Variants in ERC1 observed in about 807,000 individuals in gnomAD.
The protein encoded by ERC1 is RAB6 interacting protein 2.
In ERC1, 56 loss-of-function variants were observed where a neutral mutation model predicts 132.0. The observed-to-expected ratio is 0.42, with a 90% CI of 0.34 to 0.53. The LOEUF (loss-of-function observed/expected upper bound fraction) is 0.53, where lower values mean the gene tolerates loss of function less well. Among genes scored for constraint, ERC1 ranks in the 20% least tolerant of loss-of-function variants. The pLI, the probability that ERC1 is intolerant of heterozygous loss-of-function variation, is 0.03. For missense variants in ERC1, 1,202 were observed against 1,349.9 expected (o/e 0.89, Z 1.72); for synonymous variants, 478 against 476.1 (o/e 1.00, Z -0.05).
chr12:1,103,859 T>C (rs1178512259), intron 3 of ERC1, among the ~76,000 whole-genome samples: 2 of 152,088 alleles, frequency 1.3e-5, no homozygotes, highest in African/African-American at 4.8e-5. Flanking sequence ...TTTGAGCATG[T>C]AGAGTTTGAA....
chr12:1,179,665 G>A (rs1409413685), intron 8 of ERC1, among the ~76,000 whole-genome samples: 9 of 151,670 alleles, frequency 5.9e-5, no homozygotes, highest in Non-Finnish European at 7.4e-5. Flanking sequence ...CCGCCACTAC[G>A]CCCGGCTAAT....
chr12:1,146,949 A>G (rs2154252168), intron 8 of ERC1, among the ~76,000 whole-genome samples: 1 of 152,276 alleles, frequency 6.6e-6, no homozygotes. Flanking sequence ...CAAAGGACAC[A>G]AACTCATCAT....
At chr12:1,096,004 C>T (rs758080696) in intron 3 of ERC1, among the ~76,000 whole-genome samples, 124 of 149,934 alleles carry the variant, frequency 8.3e-4, no homozygotes, top group Non-Finnish European at 1.0e-3. Flanking sequence ...TGGCTCATTG[C>T]GGCCTCCACC....
chr12:1,256,201 ACT>A (rs2076800297), intron 13 of ERC1, among the ~76,000 whole-genome samples: 1 of 151,542 alleles, frequency 6.6e-6, no homozygotes. Flanking sequence ...TTGCCTGTTC[ACT>A]CTGATGAAAT....
At chr12:1,448,636 T>C (rs906132928) in intron 18 of ERC1, among the ~76,000 whole-genome samples, 7 of 152,256 alleles carry the variant, frequency 4.6e-5, no homozygotes, top group African/African-American at 1.7e-4. Flanking sequence ...TCCTGACATT[T>C]GCATTTTTCA....
chr12:1,111,428 A>T (rs1945845228), intron 5 of ERC1, among the ~76,000 whole-genome samples: 1 of 152,174 alleles, frequency 6.6e-6, no homozygotes, highest in African/African-American at 2.4e-5. Context: ...AACCCGCAAC[A>T]TCCCAGTAGT....
At position 1,202,252 on chromosome 12, in the gene ERC1, T is replaced by C. The variant is rs534380590; in HGVS notation, c.2351+12200T>C. ...AGCACCTTATAGTTTGTTACTGTGGTCTTACAGGAATCTGTGTTTAATGGC... is the reference window on the plus strand; with the variant it reads ...AGCACCTTATAGTTTGTTACTGTGGCCTTACAGGAATCTGTGTTTAATGGC... On this transcript the variant is annotated intron_variant, in intron 12 of 18. Transcript: ENST00000360905. 1.3e-3 allele frequency among the ~76,000 whole-genome samples: 204 copies of C among 152,344 alleles called. 2 individuals carry two copies. Among genetic ancestry groups the C allele is most frequent in the Non-Finnish European group, 2.1e-3 (145 of 68,024 alleles).
intron 15 of ERC1, among the ~76,000 whole-genome samples, chr12:1,362,869 T>C (rs929782781): frequency 6.6e-6 from 1 of 152,214 alleles, no homozygotes; most frequent in Non-Finnish European, 1.5e-5. Flanking sequence ...GTCAATTTTA[T>C]GTTATCTGTA....
chr12:1,107,687 C>G (rs1406964195), intron 4 of ERC1, among the ~76,000 whole-genome samples: 1 of 152,018 alleles, frequency 6.6e-6, no homozygotes, highest in Non-Finnish European at 1.5e-5. Flanking sequence ...CAAAGACTTC[C>G]AAAAATGGGC....
intron 2 of ERC1, among the ~76,000 whole-genome samples, chr12:1,045,495 A>G (rs1032941082): frequency 1.3e-5 from 2 of 152,116 alleles, no homozygotes; most frequent in African/African-American, 4.8e-5. Flanking sequence ...AGTAATTATT[A>G]TAGAACATTT....
intron 18 of ERC1, among the ~76,000 whole-genome samples, chr12:1,469,026 C>G (rs1219428683): frequency 6.6e-6 from 1 of 152,188 alleles, no homozygotes; most frequent in Non-Finnish European, 1.5e-5. Context: ...CCTTCTAGTG[C>G]AAGCAGAGTG....
intron 18 of ERC1, chr12:1,445,000 T>C: frequency 2.6e-6 from 1 of 377,558 alleles, no homozygotes; most frequent in Non-Finnish European, 4.7e-6. Context: ...TTTTAATTGA[T>C]TTTTTACTGT....
chr12:1,070,249 C>G (rs915778161), intron 2 of ERC1, among the ~76,000 whole-genome samples: 1 of 151,920 alleles, frequency 6.6e-6, no homozygotes, highest in Non-Finnish European at 1.5e-5. Flanking sequence ...TGGAAGTGTT[C>G]TTTAAAATCA....
Position 1,338,811 on chromosome 12 carries a change from G to A in ERC1, c.2781-33022G>A, listed in dbSNP as rs1057340930. Among the ~76,000 whole-genome samples the A allele has an allele frequency of 2.6e-5, 4 of 152,082 alleles. 1 individual carries two copies. The South Asian group carries it at 6.2e-4, about 24-fold the overall frequency. On this transcript the variant is annotated intron_variant, in intron 15 of 18. Transcript: ENST00000360905. The stretch of plus-strand genomic sequence containing the variant: ...CTGACTGTTTCTGGAAGACTTTAGG[G>A]GGCCAACACTCAGCTCTGATCTTCT...
chr12:1,181,625 C>T lies in ERC1; in HGVS notation c.1876-300C>T, dbSNP rs554576739. Among the ~76,000 whole-genome samples, 10 of 151,846 alleles carry T rather than the reference C, an allele frequency of 6.6e-5. 1 individual carries two copies. In the South Asian group the frequency reaches 1.7e-3, roughly 25 times the overall value. ...ACCAGCCTGACCAACGTGGAGAAAC[C>T]CTGTCTCTACTAAAAATACAAAATT... On this transcript the variant is annotated intron_variant, in intron 9 of 18. Coordinates refer to ENST00000360905, the MANE Select transcript of ERC1 (RefSeq NM_178040.4).
At chr12:1,232,375 G>C (rs1229620476) in intron 12 of ERC1, among the ~76,000 whole-genome samples, 1 of 152,208 alleles carries the variant, frequency 6.6e-6, no homozygotes, top group African/African-American at 2.4e-5. Flanking sequence ...TCAGGCAACA[G>C]ACATTCATTT....
chr12:1,118,399 T>C (rs1946691574), intron 7 of ERC1, among the ~76,000 whole-genome samples: 1 of 152,212 alleles, frequency 6.6e-6, no homozygotes. Context: ...CTCACCCAGA[T>C]GGGCTTGTGA....
chr12:1,212,444 C>T (rs1175722685), intron 12 of ERC1, among the ~76,000 whole-genome samples: 1 of 152,106 alleles, frequency 6.6e-6, no homozygotes, highest in African/African-American at 2.4e-5. Flanking sequence ...GCTTAGGGCT[C>T]TTTCCTGTCC....
intron 2 of ERC1, among the ~76,000 whole-genome samples, chr12:1,041,050 G>T (rs765413514): frequency 1.3e-5 from 2 of 151,990 alleles, no homozygotes; most frequent in East Asian, 3.8e-4. Context: ...AGGACCCCAA[G>T]CAGCTTTTGT....
Sources: gnomAD v4.1 joint callset for allele counts (sites outside exome capture counted in the v4.1 genomes callset) on GRCh38, gnomAD v4.1.1 for gene constraint, MANE v1.5 for transcripts, NCBI Gene and HGNC (gene_info 2026-07-23, HGNC 2026-07-21) for gene names.